MCTP1: variants seen among roughly 807,000 people sequenced by gnomAD.
The protein encoded by MCTP1 is multiple C2 and transmembrane domain-containing protein 1.
Under a neutral mutation model 120.6 loss-of-function variants are expected in MCTP1, and 69 were observed. The ratio of observed to expected loss-of-function variants is 0.57; its 90% CI spans 0.47 to 0.70. The LOEUF (loss-of-function observed/expected upper bound fraction) is 0.70. Among genes scored for constraint, MCTP1 ranks in the 30% least tolerant of loss-of-function variants. The pLI is 0.00. For synonymous variants in MCTP1, 529 were observed against 493.1 expected (o/e 1.07, Z -0.96); for missense variants, 1,203 against 1,248.8 (o/e 0.96, Z 0.55).
rs187785456 is a variant in MCTP1, at chr5:95,165,876, T to A, written c.720+117980A>T. 2.1e-3 allele frequency among the ~76,000 whole-genome samples: 325 copies of A among 152,280 alleles called. 2 individuals are homozygous for A. The highest frequency in any genetic ancestry group is 7.5e-3 in the African/African-American group (311 of 41,556). On this transcript the variant is annotated intron_variant, in intron 1 of 22. Transcript: ENST00000515393. Reference sequence around the variant, plus strand: ...TCTGATGTTCCCAATTGGTCCAGAATTTTGCACTGACCTACTGTTTGATAT... The same window carrying A: ...TCTGATGTTCCCAATTGGTCCAGAAATTTGCACTGACCTACTGTTTGATAT...
intron 18 of MCTP1, among the ~76,000 whole-genome samples, chr5:94,785,566 C>T (rs1049587065): frequency 6.6e-6 from 1 of 151,986 alleles, no homozygotes; most frequent in African/African-American, 2.4e-5. Flanking sequence ...CTACTCACCA[C>T]GAATCTACTT....
At chr5:95,167,820 G>C (rs1358213835) in intron 1 of MCTP1, among the ~76,000 whole-genome samples, 17 of 152,058 alleles carry the variant, frequency 1.1e-4, no homozygotes, top group South Asian at 2.1e-4. Context: ...GAGTAGATTG[G>C]AAAAATTTTC....
chr5:94,917,767 C>A (rs764863163), intron 8 of MCTP1, 129 bp downstream of exon 8: 24 of 617,482 alleles, frequency 3.9e-5, no homozygotes, highest in Non-Finnish European at 6.4e-5. Flanking sequence ...ATTAAGATTA[C>A]AATTCCTTTT....
At chr5:94,923,214 A>G (rs1236112623) in intron 7 of MCTP1, among the ~76,000 whole-genome samples, 3 of 152,206 alleles carry the variant, frequency 2.0e-5, no homozygotes, top group Non-Finnish European at 2.9e-5. Flanking sequence ...GACAAGCCCT[A>G]AGAGTGTAGC....
intron 19 of MCTP1, among the ~76,000 whole-genome samples, chr5:94,755,798 A>T (rs1223477467): frequency 2.0e-5 from 3 of 152,156 alleles, no homozygotes; most frequent in African/African-American, 4.8e-5. Context: ...CTGCCTCTGT[A>T]ATAACTTTGT....
At chr5:94,863,707 T>A (rs540625103) in intron 17 of MCTP1, among the ~76,000 whole-genome samples, 1 of 152,018 alleles carries the variant, frequency 6.6e-6, no homozygotes, top group Admixed American at 6.6e-5. Context: ...GCAGACTTTC[T>A]GCACGAGAAG....
intron 11 of MCTP1, among the ~76,000 whole-genome samples, chr5:94,893,153 A>T (rs1195557477): frequency 6.6e-6 from 1 of 152,242 alleles, no homozygotes; most frequent in Non-Finnish European, 1.5e-5. Context: ...CAAATATTCA[A>T]ATTCTGAATG....
At chr5:94,910,220 A>G (rs544545910) in intron 9 of MCTP1, among the ~76,000 whole-genome samples, 1 of 151,436 alleles carries the variant, frequency 6.6e-6, no homozygotes, top group East Asian at 1.9e-4. Context: ...ATATATGTGT[A>G]TACATATATG....
intron 7 of MCTP1, among the ~76,000 whole-genome samples, chr5:94,920,603 T>G (rs1476688394): frequency 1.3e-5 from 2 of 151,854 alleles, no homozygotes; most frequent in Non-Finnish European, 2.9e-5. Flanking sequence ...TCAGCCAGGC[T>G]TGGTGGCGGG....
At chr5:95,204,246 G>A (rs888096484) in intron 1 of MCTP1, among the ~76,000 whole-genome samples, 1 of 152,126 alleles carries the variant, frequency 6.6e-6, no homozygotes, top group Non-Finnish European at 1.5e-5. Context: ...TTATTAAGTG[G>A]AGACATTTAA....
At position 94,803,998 on chromosome 5, in the gene MCTP1, C is replaced by G. The variant is rs143274610; in HGVS notation, c.2437-4866G>C. Among the ~76,000 whole-genome samples, 150 of 152,258 alleles carry G rather than the reference C, an allele frequency of 9.9e-4. 3 individuals carry two copies. The South Asian group carries it at 0.012, about 13-fold the overall frequency. The stretch of plus-strand genomic sequence containing the variant: ...TCCATCACCCCAGTTGAAAGCCAGA[C>G]AGCATCCAAAGCAAAGCCACCTGAC... On this transcript the variant is annotated intron_variant, in intron 17 of 22. Coordinates refer to ENST00000515393, the MANE Select transcript of MCTP1 (RefSeq NM_024717.7).
At chr5:95,011,927 A>G (rs1836058977) in intron 2 of MCTP1, among the ~76,000 whole-genome samples, 1 of 152,140 alleles carries the variant, frequency 6.6e-6, no homozygotes, top group South Asian at 2.1e-4. Context: ...ACTTTCTGGC[A>G]CTGCAAAAAT....
At chr5:94,980,303 T>C (rs10070401) in intron 2 of MCTP1, among the ~76,000 whole-genome samples, 83,448 of 152,006 alleles carry the variant, frequency 0.55, 23,737 homozygotes, top group African/African-American at 0.69. Flanking sequence ...AACTAAGTGA[T>C]GAATGAATAA....
intron 2 of MCTP1, among the ~76,000 whole-genome samples, chr5:95,006,099 G>A (rs1834689674): frequency 6.6e-6 from 1 of 152,088 alleles, no homozygotes; most frequent in Admixed American, 6.6e-5. Flanking sequence ...TGGGGAGAAT[G>A]TGCAAACTCC....
chr5:94,712,153 C>A (rs1438210592), intron 20 of MCTP1, among the ~76,000 whole-genome samples: 1 of 152,128 alleles, frequency 6.6e-6, no homozygotes, highest in African/African-American at 2.4e-5. Context: ...TTAGCTGAGT[C>A]AACCTCTCTA....
At chr5:95,182,616 T>G (rs1293922840) in intron 1 of MCTP1, among the ~76,000 whole-genome samples, 1 of 152,194 alleles carries the variant, frequency 6.6e-6, no homozygotes, top group Non-Finnish European at 1.5e-5. Flanking sequence ...TACAATCATT[T>G]TGCATGGTTT....
chr5:95,104,730 T>C (rs958661245), intron 1 of MCTP1, among the ~76,000 whole-genome samples: 3 of 152,202 alleles, frequency 2.0e-5, no homozygotes, highest in African/African-American at 7.2e-5. Context: ...TATTAATATA[T>C]ACTAAATAGT....
intron 18 of MCTP1, among the ~76,000 whole-genome samples, chr5:94,783,889 C>T (rs1374440127): frequency 6.6e-6 from 1 of 152,050 alleles, no homozygotes; most frequent in African/African-American, 2.4e-5. Context: ...CTTTCAAAAG[C>T]CAGTGCTGAT....
At chr5:94,926,570 A>G (rs2153471255) in intron 6 of MCTP1, among the ~76,000 whole-genome samples, 1 of 152,298 alleles carries the variant, frequency 6.6e-6, no homozygotes, top group East Asian at 1.9e-4. Flanking sequence ...ACAAAATTAT[A>G]AATCGTTTCA....
Sources: allele counts gnomAD v4.1 joint callset (sites outside exome capture counted in the v4.1 genomes callset), GRCh38; gene constraint gnomAD v4.1.1; transcripts MANE v1.5; gene names NCBI Gene and HGNC (gene_info 2026-07-23, HGNC 2026-07-21).